RANBP17: variants seen among roughly 807,000 people sequenced by gnomAD.
The protein encoded by RANBP17 is RAN binding protein 17.
RANBP17 carries 158 observed loss-of-function variants against 141.2 expected under a neutral mutation model. The observed-to-expected ratio is 1.12, with a 90% confidence interval of 0.98 to 1.28. The LOEUF (loss-of-function observed/expected upper bound fraction) is 1.28, where lower values mean the gene tolerates loss of function less well. Among genes scored for constraint, RANBP17 ranks in the 50% most tolerant of loss-of-function variants. RANBP17 has a pLI of 0.00. For synonymous variants in RANBP17, 430 were observed against 450.0 expected, an observed-to-expected ratio of 0.96 and a Z score of 0.56; for missense variants, 1,438 against 1,290.7, an observed-to-expected ratio of 1.11 and a Z score of -1.75.
At chr5:170,978,873 T>C (rs1397635810) in intron 14 of RANBP17, among the ~76,000 whole-genome samples, 2 of 152,172 alleles carry the variant, frequency 1.3e-5, no homozygotes, top group Middle Eastern at 3.2e-3. Context: ...TACAAAAGAT[T>C]CATGGAAGCC....
chr5:170,953,736 CTAAA>C (rs769770495), intron 13 of RANBP17, 34 bp downstream of exon 13: 5 of 1,387,514 alleles, frequency 3.6e-6, no homozygotes, highest in Non-Finnish European at 5.1e-6. Flanking sequence ...CTGAAATTCA[CTAAA>C]TAGTTAAAAA....
At chr5:171,182,370 G>T (rs757182775) in intron 16 of RANBP17, among the ~76,000 whole-genome samples, 8 of 152,052 alleles carry the variant, frequency 5.3e-5, no homozygotes, top group Non-Finnish European at 1.2e-4. Flanking sequence ...TCATGTTTCC[G>T]ATTTCTTAAC....
intron 14 of RANBP17, among the ~76,000 whole-genome samples, chr5:171,105,823 T>A (rs757494608): frequency 1.3e-5 from 2 of 152,314 alleles, no homozygotes; most frequent in Non-Finnish European, 2.9e-5. Flanking sequence ...AAACCAAGGT[T>A]CTCTGCAGCA....
chr5:171,285,789 T>C (rs1401083000), intron 25 of RANBP17, among the ~76,000 whole-genome samples: 1 of 152,264 alleles, frequency 6.6e-6, no homozygotes, highest in East Asian at 1.9e-4. Context: ...TCTCTGCCAT[T>C]GAAATGAATT....
At chr5:171,080,215 G>GAT (rs1488488838) in intron 14 of RANBP17, among the ~76,000 whole-genome samples, 1 of 149,004 alleles carries the variant, frequency 6.7e-6, no homozygotes, top group Non-Finnish European at 1.5e-5. Context: ...CGATACTAGT[G>GAT]ATATATTATC....
chr5:170,968,774 A>C (rs1300207131), intron 14 of RANBP17: 1 of 452,112 alleles, frequency 2.2e-6, no homozygotes, highest in Non-Finnish European at 4.4e-6. Flanking sequence ...GCATTTGTAC[A>C]TGATTAAATA....
chr5:171,034,811 GT>G lies in RANBP17; in HGVS notation c.1710+66441del, dbSNP rs546600320. On this transcript the variant is annotated intron_variant, in intron 14 of 27. Transcript: ENST00000523189. ...AAGAGAGAAGATGAATAAATTAAAGGTTTTTTTCTTTCTTTGTTTTTTTGAG... is the reference window on the plus strand; with the variant it reads ...AAGAGAGAAGATGAATAAATTAAAGGTTTTTTCTTTCTTTGTTTTTTTGAG... 3.3e-3 allele frequency among the ~76,000 whole-genome samples: 498 copies of G among 152,130 alleles called. 4 individuals are homozygous for G. The highest frequency in any genetic ancestry group is 0.011 in the African/African-American group (470 of 41,544).
chr5:171,068,237 A>G (rs187356171), intron 14 of RANBP17, among the ~76,000 whole-genome samples: 31 of 152,196 alleles, frequency 2.0e-4, no homozygotes, highest in Non-Finnish European at 4.0e-4. Flanking sequence ...TTTCAACTCC[A>G]GAATTCCTGC....
At chr5:170,944,859 A>C (rs1020904436) in intron 12 of RANBP17, among the ~76,000 whole-genome samples, 2 of 152,194 alleles carry the variant, frequency 1.3e-5, no homozygotes, top group Admixed American at 6.5e-5. Flanking sequence ...AATTAGTACA[A>C]ATTTAAATTT....
chr5:171,244,774 A>G (rs1765109546), intron 24 of RANBP17, among the ~76,000 whole-genome samples: 1 of 152,026 alleles, frequency 6.6e-6, no homozygotes. Flanking sequence ...GAATTTTTAA[A>G]TATTTTCCAT....
intron 14 of RANBP17, chr5:170,983,375 G>C (rs762046298): frequency 4.3e-6 from 1 of 233,484 alleles, no homozygotes; most frequent in South Asian, 1.7e-4. Flanking sequence ...GTAATAAATA[G>C]AATCACATAA....
intron 4 of RANBP17, among the ~76,000 whole-genome samples, chr5:170,892,990 A>G (rs1403057679): frequency 6.6e-6 from 1 of 152,192 alleles, no homozygotes; most frequent in African/African-American, 2.4e-5. Context: ...GCTAGCATTT[A>G]ATAAGCCTCC....
At chr5:171,078,465 A>C (rs1228510041) in intron 14 of RANBP17, among the ~76,000 whole-genome samples, 1 of 152,192 alleles carries the variant, frequency 6.6e-6, no homozygotes, top group Non-Finnish European at 1.5e-5. Flanking sequence ...TCAAAACAAC[A>C]GATTTTCAAT....
At chr5:170,910,079 A>G (rs1029356408) in intron 6 of RANBP17, 2 of 178,616 alleles carry the variant, frequency 1.1e-5, no homozygotes, top group Non-Finnish European at 2.3e-5. Context: ...CTGCTTGCTT[A>G]TATTTTGATA....
At position 171,265,752 on chromosome 5, in the gene RANBP17, A is replaced by T. The variant is rs376364975; in HGVS notation, c.2848A>T (p.Lys950Ter). 1 of 1,613,988 alleles carries T rather than the reference A, an allele frequency of 6.2e-7. No homozygotes were observed. Among genetic ancestry groups the T allele is most frequent in the African/African-American group, 1.3e-5 (1 of 74,924 alleles). Residue 950 changes from lysine to a stop codon, truncating the protein, a stop_gained, in exon 25 of 28, where the codon AAA becomes TAA. Coordinates refer to ENST00000523189, the MANE Select transcript of RANBP17 (RefSeq NM_022897.5). LOFTEE classifies it high-confidence loss of function. ...IVTYLFKHIA[K>*]EGKKPLRCRE... The stretch of plus-strand genomic sequence containing the variant: ...CACCTACCTCTTCAAGCACATAGCA[A>T]AAGAGGGCAAGAAGCCACTTCGATG...
chr5:171,044,929 T>C (rs900367375), intron 14 of RANBP17, among the ~76,000 whole-genome samples: 1 of 152,062 alleles, frequency 6.6e-6, no homozygotes, highest in African/African-American at 2.4e-5. Context: ...TTTTTTCCTG[T>C]ATAAACACTA....
At chr5:170,912,838 C>T (rs1771641399) in intron 7 of RANBP17, among the ~76,000 whole-genome samples, 1 of 151,792 alleles carries the variant, frequency 6.6e-6, no homozygotes, top group Non-Finnish European at 1.5e-5. Flanking sequence ...GAAGGGTATG[C>T]ATTTTTGGAT....
chr5:170,870,451 T>C (rs920800782), intron 1 of RANBP17, among the ~76,000 whole-genome samples: 1 of 152,042 alleles, frequency 6.6e-6, no homozygotes, highest in Non-Finnish European at 1.5e-5. Flanking sequence ...CTTCCACTTA[T>C]GGGTGAGAAC....
At chr5:171,218,415 C>G (rs548832129) in intron 21 of RANBP17, among the ~76,000 whole-genome samples, 4 of 152,048 alleles carry the variant, frequency 2.6e-5, no homozygotes, top group Non-Finnish European at 5.9e-5. Flanking sequence ...TTTACTTGGT[C>G]CAGAGCTGAG....
Sources: allele counts gnomAD v4.1 joint callset (sites outside exome capture counted in the v4.1 genomes callset), GRCh38; gene constraint gnomAD v4.1.1; transcripts MANE v1.5; gene names NCBI Gene and HGNC (gene_info 2026-07-23, HGNC 2026-07-21).